GRM7: variants seen among roughly 807,000 people sequenced by gnomAD.
GRM7 encodes metabotropic glutamate receptor 7.
Under a neutral mutation model 84.5 loss-of-function variants are expected in GRM7, and 35 were observed. The ratio of observed to expected loss-of-function variants is 0.41; its 90% CI spans 0.32 to 0.55. The LOEUF (loss-of-function observed/expected upper bound fraction) is 0.55. GRM7 is among the 20% of genes least tolerant of loss of function. The probability of loss-of-function intolerance (pLI) is 0.19; values close to 1 mark genes in which losing one functional copy is unlikely to be tolerated. For missense variants in GRM7, 1,003 were observed against 1,194.6 expected (o/e 0.84, Z 2.36); for synonymous variants, 487 against 455.1 (o/e 1.07, Z -0.89).
At chr3:7,132,478 T>C (rs1693634326) in intron 1 of GRM7, among the ~76,000 whole-genome samples, 1 of 152,174 alleles carries the variant, frequency 6.6e-6, no homozygotes, top group African/African-American at 2.4e-5. Flanking sequence ...TATTGTATTA[T>C]CTGAATTAAA....
chr3:7,041,286 T>C (rs1277639964), intron 1 of GRM7, among the ~76,000 whole-genome samples: 1 of 152,138 alleles, frequency 6.6e-6, no homozygotes, highest in Non-Finnish European at 1.5e-5. Flanking sequence ...CCTCTAATTC[T>C]CCTGACTCCT....
chr3:7,195,874 A>C (rs1055981760), intron 2 of GRM7, among the ~76,000 whole-genome samples: 12 of 152,152 alleles, frequency 7.9e-5, no homozygotes, highest in African/African-American at 2.9e-4. Flanking sequence ...GGGAAAAATA[A>C]AATGTATAAA....
intron 6 of GRM7, among the ~76,000 whole-genome samples, chr3:7,453,238 A>T (rs1415724607): frequency 6.6e-6 from 1 of 152,112 alleles, no homozygotes; most frequent in Non-Finnish European, 1.5e-5. Flanking sequence ...TCCCCCACAC[A>T]CCAAGCTAGC....
chr3:7,733,634 C>G (rs1377259433), intron 9 of GRM7, among the ~76,000 whole-genome samples: 2 of 152,158 alleles, frequency 1.3e-5, no homozygotes, highest in Non-Finnish European at 2.9e-5. Flanking sequence ...AAGGTCTCAG[C>G]CTTATTTTAC....
At chr3:7,047,236 T>C (rs1471068880) in intron 1 of GRM7, among the ~76,000 whole-genome samples, 2 of 152,128 alleles carry the variant, frequency 1.3e-5, no homozygotes, top group East Asian at 3.9e-4. Context: ...ATGCAGACTG[T>C]ATGGCCTGAA....
rs145778639 is a variant in GRM7, at chr3:7,476,493, G to A, written c.1515+14771G>A. ...ACCCAGGAAGCAGAGGTTGCAGTGAGCCAAGATCACACTACTTCACTCCAG... is the reference window on the plus strand; with the variant it reads ...ACCCAGGAAGCAGAGGTTGCAGTGAACCAAGATCACACTACTTCACTCCAG... On this transcript the variant is annotated intron_variant, in intron 7 of 9. Transcript: ENST00000357716. 1.2e-3 allele frequency among the ~76,000 whole-genome samples: 184 copies of A among 152,222 alleles called. 1 individual carries two copies. Among genetic ancestry groups the A allele is most frequent in the African/African-American group, 4.4e-3 (181 of 41,522 alleles).
chr3:7,496,337 G>A (rs759365546), intron 7 of GRM7, among the ~76,000 whole-genome samples: 25 of 152,282 alleles, frequency 1.6e-4, no homozygotes, highest in Non-Finnish European at 3.5e-4. Context: ...CCTGCATAGT[G>A]CTCTGATCAG....
chr3:7,027,379 C>T (rs560242561), intron 1 of GRM7, among the ~76,000 whole-genome samples: 1 of 152,280 alleles, frequency 6.6e-6, no homozygotes, highest in South Asian at 2.1e-4. Flanking sequence ...AATGGTGCAA[C>T]AATTGGCTAA....
intron 4 of GRM7, among the ~76,000 whole-genome samples, chr3:7,371,403 T>C (rs1694126704): frequency 6.6e-6 from 1 of 152,168 alleles, no homozygotes; most frequent in African/African-American, 2.4e-5. Flanking sequence ...TTAGGCATAA[T>C]TAATTTATAA....
chr3:7,117,370 A>G (rs1693072227), intron 1 of GRM7, among the ~76,000 whole-genome samples: 2 of 152,218 alleles, frequency 1.3e-5, no homozygotes, highest in South Asian at 4.1e-4. Context: ...CTTGGCCTCC[A>G]CAACATTCTA....
intron 1 of GRM7, among the ~76,000 whole-genome samples, chr3:6,954,314 A>G (rs769183346): frequency 1.3e-5 from 2 of 152,146 alleles, no homozygotes; most frequent in African/African-American, 2.4e-5. Flanking sequence ...TCAAACATTC[A>G]AACTTTTTCT....
intron 2 of GRM7, among the ~76,000 whole-genome samples, chr3:7,290,409 C>T (rs568225831): frequency 1.3e-5 from 2 of 152,250 alleles, no homozygotes; most frequent in Non-Finnish European, 2.9e-5. Context: ...CTCAACATGT[C>T]CCAAAGTATA....
chr3:7,175,897 A>T (rs1695130196), intron 2 of GRM7, among the ~76,000 whole-genome samples: 2 of 152,256 alleles, frequency 1.3e-5, no homozygotes, highest in African/African-American at 2.4e-5. Context: ...CTGCTAGAGG[A>T]GTCAGTACAA....
intron 7 of GRM7, among the ~76,000 whole-genome samples, chr3:7,464,139 C>A (rs1005014810): frequency 6.6e-6 from 1 of 152,108 alleles, no homozygotes; most frequent in Non-Finnish European, 1.5e-5. Context: ...TGCGGGAAGC[C>A]TCAATATTTG....
chr3:7,164,276 T>C (rs1694727412), intron 2 of GRM7, among the ~76,000 whole-genome samples: 2 of 152,122 alleles, frequency 1.3e-5, no homozygotes, highest in African/African-American at 2.4e-5. Flanking sequence ...GGAGAATCAC[T>C]TGAACCCAGG....
chr3:7,729,849 G>A (rs1161252607), intron 9 of GRM7, among the ~76,000 whole-genome samples: 1 of 148,284 alleles, frequency 6.7e-6, no homozygotes, highest in African/African-American at 2.5e-5. Context: ...GGGATTACAG[G>A]TGCATGCCAC....
intron 9 of GRM7, among the ~76,000 whole-genome samples, chr3:7,719,465 G>A (rs1701868541): frequency 6.6e-6 from 1 of 152,140 alleles, no homozygotes; most frequent in African/African-American, 2.4e-5. Flanking sequence ...GACCTCTCTA[G>A]TAAGGAATAG....
intron 4 of GRM7, among the ~76,000 whole-genome samples, chr3:7,346,797 A>T (rs1221207212): frequency 6.6e-6 from 1 of 152,180 alleles, no homozygotes; most frequent in Admixed American, 6.6e-5. Context: ...AAGTGCACCC[A>T]TTAGATCTAT....
At chr3:6,931,683 A>G (rs1297695117) in intron 1 of GRM7, among the ~76,000 whole-genome samples, 3 of 152,212 alleles carry the variant, frequency 2.0e-5, no homozygotes. Context: ...TAGAAATTAT[A>G]TAAATTTGTA....
Sources: gnomAD v4.1 joint callset for allele counts (sites outside exome capture counted in the v4.1 genomes callset) on GRCh38, gnomAD v4.1.1 for gene constraint, MANE v1.5 for transcripts, NCBI Gene and HGNC (gene_info 2026-07-23, HGNC 2026-07-21) for gene names.